Variants in ADGRL3 observed in about 807,000 individuals in gnomAD.
ADGRL3 encodes calcium-independent alpha-latrotoxin receptor 3.
In ADGRL3, 62 loss-of-function variants were observed where a neutral mutation model predicts 153.5. The ratio of observed to expected loss-of-function variants is 0.40; its 90% CI spans 0.33 to 0.50. The LOEUF is 0.50. ADGRL3 is among the 20% of genes least tolerant of loss of function. The pLI is 0.47. For missense variants in ADGRL3, 1,641 were observed against 1,859.4 expected, an observed-to-expected ratio of 0.88 and a Z score of 2.16; for synonymous variants, 710 against 672.5, an observed-to-expected ratio of 1.06 and a Z score of -0.86.
chr4:61,340,565 G>A (rs560149617), intron 1 of ADGRL3, among the ~76,000 whole-genome samples: 1 of 152,128 alleles, frequency 6.6e-6, no homozygotes, highest in South Asian at 2.1e-4. Flanking sequence ...TGTGGGTCTT[G>A]AGTGAAGTGT....
chr4:61,494,187 A>G (rs886136184), intron 2 of ADGRL3, among the ~76,000 whole-genome samples: 1 of 151,924 alleles, frequency 6.6e-6, no homozygotes, highest in African/African-American at 2.4e-5. Context: ...TACATGTTTG[A>G]GAAAATGAAT....
chr4:61,714,878 G>C (rs1417395983), intron 6 of ADGRL3, among the ~76,000 whole-genome samples: 1 of 152,026 alleles, frequency 6.6e-6, no homozygotes, highest in Non-Finnish European at 1.5e-5. Flanking sequence ...CAAAGTTCTT[G>C]TCTTGGGCTC....
intron 5 of ADGRL3, among the ~76,000 whole-genome samples, chr4:61,636,251 A>G (rs962241731): frequency 2.0e-5 from 3 of 152,202 alleles, no homozygotes; most frequent in African/African-American, 7.2e-5. Flanking sequence ...TACACAAAAA[A>G]GCAGGAAAAT....
At chr4:62,008,221 G>T (rs1581858533) in intron 21 of ADGRL3, among the ~76,000 whole-genome samples, 2 of 152,102 alleles carry the variant, frequency 1.3e-5, no homozygotes, top group East Asian at 3.9e-4. Context: ...TCTTAGGTTG[G>T]GGAGGTTGTT....
intron 2 of ADGRL3, among the ~76,000 whole-genome samples, chr4:61,392,398 T>C (rs1448957837): frequency 6.6e-6 from 1 of 150,468 alleles, no homozygotes; most frequent in Non-Finnish European, 1.5e-5. Context: ...TAGAAAAGAG[T>C]CTCAGGCGCC....
chr4:61,392,153 GC>G (rs371482282), intron 2 of ADGRL3, among the ~76,000 whole-genome samples: 1 of 151,472 alleles, frequency 6.6e-6, no homozygotes, highest in East Asian at 2.0e-4. Flanking sequence ...ACAGGCGTGA[GC>G]CCCCCTGCCC....
intron 6 of ADGRL3, among the ~76,000 whole-genome samples, chr4:61,717,604 C>G (rs934063532): frequency 1.3e-5 from 2 of 152,146 alleles, no homozygotes; most frequent in Admixed American, 6.5e-5. Flanking sequence ...AGAGTTTACA[C>G]ATAGTAAACA....
intron 1 of ADGRL3, among the ~76,000 whole-genome samples, chr4:61,315,013 G>A (rs1400934611): frequency 6.6e-6 from 1 of 152,180 alleles, no homozygotes; most frequent in Admixed American, 6.5e-5. Flanking sequence ...TCATTTTTAT[G>A]GTTGAATCTG....
intron 21 of ADGRL3, among the ~76,000 whole-genome samples, chr4:62,008,980 ATACAAGT>A (rs1441463439): frequency 1.3e-5 from 2 of 152,156 alleles, no homozygotes; most frequent in Non-Finnish European, 2.9e-5. Flanking sequence ...GTAACATGCT[ATACAAGT>A]TTATAGCCTA....
chr4:61,213,297 C>T (rs17828264), intron 1 of ADGRL3, among the ~76,000 whole-genome samples: 61,354 of 151,870 alleles, frequency 0.4, 12,894 homozygotes, highest in Middle Eastern at 0.52. Context: ...CGGCTACTCT[C>T]TTTTGGCTCA....
At chr4:61,313,843 A>G (rs990984575) in intron 1 of ADGRL3, among the ~76,000 whole-genome samples, 1 of 152,194 alleles carries the variant, frequency 6.6e-6, no homozygotes. Context: ...AGGTCAGAGC[A>G]CAGACGGGAA....
At chr4:62,046,107 A>C (rs575271855) in intron 25 of ADGRL3, among the ~76,000 whole-genome samples, 102 of 151,998 alleles carry the variant, frequency 6.7e-4, no homozygotes, top group African/African-American at 2.3e-3. Context: ...CATATATAAG[A>C]AAATTTACTG....
At chr4:61,500,011 CACAT>C (rs1312112615) in intron 3 of ADGRL3, among the ~76,000 whole-genome samples, 8 of 130,618 alleles carry the variant, frequency 6.1e-5, no homozygotes, top group East Asian at 4.5e-4. Flanking sequence ...CACACACACA[CACAT>C]ACACACACAG....
Position 61,202,271 on chromosome 4 carries a change from G to T in ADGRL3, c.-240+506G>T, listed in dbSNP as rs1430541866. The stretch of plus-strand genomic sequence containing the variant: ...TCTGGGAAGATGGAAAATGCAGGGT[G>T]CCGAGCCCGGCGCGATTCTCCCTCA... On this transcript the variant is annotated intron_variant, in intron 1 of 26. Transcript: ENST00000683033. The surrounding 1 kb of genome is among the most constrained non-coding windows in gnomAD (Gnocchi z 5.0). 6.6e-6 allele frequency: 1 copy of T among 152,526 alleles called. No homozygotes were observed. The highest frequency in any genetic ancestry group is 1.5e-5 in the Non-Finnish European group (1 of 68,346). The allele number at this position is 152,526 out of a possible 1,614,324, so 9.4% of individuals were successfully genotyped here.
At chr4:61,632,404 C>A (rs565688983) in intron 5 of ADGRL3, among the ~76,000 whole-genome samples, 3 of 152,108 alleles carry the variant, frequency 2.0e-5, no homozygotes, top group Admixed American at 6.6e-5. Flanking sequence ...TAGTCATCAT[C>A]AAAGCATATA....
At chr4:61,874,934 G>C (rs1033103406) in intron 9 of ADGRL3, among the ~76,000 whole-genome samples, 1 of 148,564 alleles carries the variant, frequency 6.7e-6, no homozygotes, top group African/African-American at 2.5e-5. Flanking sequence ...TCAGCCTCCC[G>C]AGTAGCTGGG....
chr4:61,764,097 A>C (rs1194319183), intron 8 of ADGRL3, among the ~76,000 whole-genome samples: 1 of 152,144 alleles, frequency 6.6e-6, no homozygotes, highest in Admixed American at 6.5e-5. Context: ...TTTTATGTAA[A>C]TGTTCATTTA....
intron 9 of ADGRL3, among the ~76,000 whole-genome samples, chr4:61,851,589 CA>C (rs759990537): frequency 0.031 from 1,705 of 55,226 alleles, 3 homozygotes; most frequent in Non-Finnish European, 0.046. Context: ...GACCATGTCT[CA>C]AAAAAAAAAA....
rs189693172 is a variant in ADGRL3, at chr4:61,251,152, A to C, written c.-240+49387A>C. 2.8e-3 allele frequency among the ~76,000 whole-genome samples: 419 copies of C among 152,294 alleles called. 10 individuals are homozygous for C. The highest frequency in any genetic ancestry group is 0.026 in the Admixed American group (396 of 15,292). ...GAAGGTGAGTGCTTGTCTCTGCTCC[A>C]TCATGCCTGGGGCTTCAGTGGGGAA... On this transcript the variant is annotated intron_variant, in intron 1 of 26. Transcript: ENST00000683033.
Sources: allele counts gnomAD v4.1 joint callset (sites outside exome capture counted in the v4.1 genomes callset), GRCh38; gene constraint gnomAD v4.1.1; non-coding constraint Gnocchi (gnomAD v3.1); transcripts MANE v1.5; gene names NCBI Gene and HGNC (gene_info 2026-07-23, HGNC 2026-07-21).